SPAG17: variants seen among roughly 807,000 people sequenced by gnomAD.
The protein encoded by SPAG17 is sperm associated antigen 17.
SPAG17 carries 169 observed loss-of-function variants against 273.6 expected under a neutral mutation model. The ratio of observed to expected loss-of-function variants is 0.62; its 90% CI spans 0.55 to 0.70. The LOEUF (loss-of-function observed/expected upper bound fraction) is 0.70. Among genes scored for constraint, SPAG17 ranks in the 30% least tolerant of loss-of-function variants. The pLI, the probability that SPAG17 is intolerant of heterozygous loss-of-function variation, is 0.00. For synonymous variants in SPAG17, 825 were observed against 873.2 expected (o/e 0.94, Z 0.97); for missense variants, 2,557 against 2,627.8 (o/e 0.97, Z 0.59).
chr1:118,075,769 T>C (rs1213878546), intron 15 of SPAG17, among the ~76,000 whole-genome samples: 2 of 152,182 alleles, frequency 1.3e-5, no homozygotes, highest in Non-Finnish European at 2.9e-5. Flanking sequence ...CCAGATACAC[T>C]GGCCTGCTTG....
At chr1:118,084,326 G>A (rs1350023838) in intron 13 of SPAG17, among the ~76,000 whole-genome samples, 1 of 152,142 alleles carries the variant, frequency 6.6e-6, no homozygotes, top group Non-Finnish European at 1.5e-5. Context: ...AGTTCGGTTA[G>A]GCTTACAAAG....
intron 29 of SPAG17, among the ~76,000 whole-genome samples, chr1:118,014,264 T>C (rs2765284): frequency 0.012 from 1,859 of 152,318 alleles, 43 homozygotes; most frequent in African/African-American, 0.041. Context: ...TCAGTAAATA[T>C]CACTATTATT....
At position 118,131,535 on chromosome 1, in the gene SPAG17, C is replaced by T. The variant is rs992325940; in HGVS notation, c.316-16094G>A. 4.6e-5 allele frequency among the ~76,000 whole-genome samples: 7 copies of T among 152,292 alleles called. 2 individuals are homozygous for T. The South Asian group carries it at 1.5e-3, about 32-fold the overall frequency. Reference sequence around the variant, plus strand: ...TCCTCTCCCCAATTAAAAAGTAAGTCCTGCCAGGATATTGGCTTTTATCTA... The same window carrying T: ...TCCTCTCCCCAATTAAAAAGTAAGTTCTGCCAGGATATTGGCTTTTATCTA... On this transcript the variant is annotated intron_variant, in intron 3 of 48. Coordinates refer to ENST00000336338, the MANE Select transcript of SPAG17 (RefSeq NM_206996.4).
At chr1:118,055,972 G>A in intron 18 of SPAG17, 58 bp from the exon 19 acceptor site, 1 of 1,367,358 alleles carries the variant, frequency 7.3e-7, no homozygotes. Context: ...TAAATACTAA[G>A]GATATTGACT....
intron 18 of SPAG17, among the ~76,000 whole-genome samples, chr1:118,060,818 T>C (rs1343204556): frequency 1.3e-5 from 2 of 152,288 alleles, no homozygotes; most frequent in Non-Finnish European, 1.5e-5. Flanking sequence ...TATAAATGTG[T>C]TCCTTTGGTC....
intron 32 of SPAG17, among the ~76,000 whole-genome samples, chr1:118,001,578 T>C (rs1019363742): frequency 2.0e-5 from 3 of 152,218 alleles, no homozygotes; most frequent in African/African-American, 7.2e-5. Context: ...AATTTATCCA[T>C]TTCTTCTAGA....
In SPAG17 at chr1:118,150,553, A is replaced by T; in HGVS notation, c.305T>A (p.Leu102Ter). The change falls in exon 3 of 49, where the codon TTA becomes TAA. Residue 102 changes from leucine to a stop codon, truncating the protein, a stop_gained. Coordinates refer to ENST00000336338, the MANE Select transcript of SPAG17 (RefSeq NM_206996.4). LOFTEE classifies it high-confidence loss of function. ...AACACTTTCACTTACCTCATAATAT[A>T]AAGGAGCATTACCACCTACAGGTTT... ...AKKPVGGNAPLYYEVLTAAKA... is the reference protein window; with the variant it reads ...AKKPVGGNAP The T allele has an allele frequency of 1.3e-6, 2 of 1,560,714 alleles. No individual in the cohort carries two copies. Among genetic ancestry groups the T allele is most frequent in the Middle Eastern group, 1.7e-4 (1 of 5,928 alleles).
Position 118,016,028 on chromosome 1 carries a change from TA to T in SPAG17, c.4223del (p.Leu1408Ter), listed in dbSNP as rs1239618617. ...ATGGGGTCAAGTCTGCTATTCTTTC[TA>T]ATCCTTTGGTGCCGATCCGATTTCC... ...PEGNRIGTKG[L>X]ERIADLTPLL... On this transcript the variant is annotated frameshift_variant, in exon 29 of 49. Coordinates refer to ENST00000336338, the MANE Select transcript of SPAG17 (RefSeq NM_206996.4). LOFTEE classifies it high-confidence loss of function. 3 of 1,614,066 alleles carry T rather than the reference TA, an allele frequency of 1.9e-6. No individual in the cohort carries two copies. The African/African-American group carries it at 4.0e-5, about 22-fold the overall frequency.
Position 118,031,692 on chromosome 1 carries a change from C to A in SPAG17, c.3609G>T (p.Lys1203Asn). The A allele has an allele frequency of 6.2e-7, 1 of 1,612,220 alleles. No individual in the cohort carries two copies. The highest frequency in any genetic ancestry group is 8.5e-7 in the Non-Finnish European group (1 of 1,179,436). ...GGAATCTATGGCAAGGTTCATTTAC[C>A]TTTTTCTCTTCTTCTTTTGGGTGTT... Reference protein sequence around the residue: ...EEEHPKEEEKKEEEVEPEPVL... With the variant: ...EEEHPKEEEKNEEEVEPEPVL... The change falls in exon 25 of 49, where the codon AAG becomes AAT. Residue 1203 changes from lysine (K) to asparagine (N), a missense_variant and splice_region_variant. Lys to Asn is a moderately conservative substitution (Grantham distance 94). Transcript: ENST00000336338.
rs766479861 is a variant in SPAG17, at chr1:117,988,095, A to G, written c.5621+10T>C. ...AATACTAATTAGAACACATTATTGG[A>G]TTAGCTTACCTCCATGTCTTTTCAA... On this transcript the variant is annotated intron_variant, in intron 39 of 48. Coordinates refer to ENST00000336338, the MANE Select transcript of SPAG17 (RefSeq NM_206996.4). 102 of 1,587,966 alleles carry G rather than the reference A, an allele frequency of 6.4e-5. No homozygotes were observed. In the Admixed American group the frequency reaches 1.0e-3, roughly 16 times the overall value.
chr1:117,975,444 CTG>C (rs754152064), intron 43 of SPAG17, among the ~76,000 whole-genome samples: 10 of 152,138 alleles, frequency 6.6e-5, no homozygotes, highest in Non-Finnish European at 1.5e-4. Context: ...AGTAGTGTCT[CTG>C]TTTTTTTTGC....
At chr1:118,115,848 ATAAAT>A (rs985523733) in intron 3 of SPAG17, among the ~76,000 whole-genome samples, 4 of 152,232 alleles carry the variant, frequency 2.6e-5, no homozygotes, top group African/African-American at 9.6e-5. Context: ...TTAGGATATT[ATAAAT>A]TAAACAGGGT....
chr1:118,096,116 G>T (rs746391796), intron 7 of SPAG17, among the ~76,000 whole-genome samples: 67 of 152,164 alleles, frequency 4.4e-4, no homozygotes, highest in Non-Finnish European at 6.0e-4. Flanking sequence ...CTTGTGCTGA[G>T]AGTCTTTATA....
intron 1 of SPAG17, among the ~76,000 whole-genome samples, chr1:118,165,799 C>T (rs1238308157): frequency 6.6e-6 from 1 of 151,966 alleles, no homozygotes; most frequent in Non-Finnish European, 1.5e-5. Context: ...GCTCCCGCCA[C>T]CATGCCCAGC....
intron 48 of SPAG17, chr1:117,955,181 C>G: frequency 3.0e-6 from 2 of 667,620 alleles, no homozygotes; most frequent in Non-Finnish European, 2.5e-6. Context: ...TAAACTCATG[C>G]AGATCTTGCC....
intron 3 of SPAG17, among the ~76,000 whole-genome samples, chr1:118,144,963 CCTAAGCT>C (rs1246467949): frequency 6.6e-6 from 1 of 152,122 alleles, no homozygotes; most frequent in African/African-American, 2.4e-5. Context: ...CTGGTGTGTC[CCTAAGCT>C]CTATGAAATA....
In SPAG17 at chr1:118,150,488, T is replaced by G. The variant is rs1055609172; in HGVS notation, c.315+55A>C. 57 of 981,520 alleles carry G rather than the reference T, an allele frequency of 5.8e-5. No homozygotes were observed. In the African/African-American group the frequency reaches 9.2e-4, roughly 16 times the overall value. The allele number at this position is 981,520 out of a possible 1,614,324, so 60.8% of individuals were successfully genotyped here. A position where few individuals can be genotyped will look rare whatever the true frequency, so the allele number is the denominator to read the frequency against. On this transcript the variant is annotated intron_variant, in intron 3 of 48. Coordinates refer to ENST00000336338, the MANE Select transcript of SPAG17 (RefSeq NM_206996.4). ...TTAAAAATGGCTATCAAATTATTAC[T>G]TCAATTCTTTTTTCTAAAAACACAA... is the stretch of plus-strand genomic sequence containing the variant.
chr1:117,958,035 C>A (rs1652476357), intron 48 of SPAG17, among the ~76,000 whole-genome samples: 1 of 152,162 alleles, frequency 6.6e-6, no homozygotes, highest in Non-Finnish European at 1.5e-5. Flanking sequence ...ATATTCTTCT[C>A]ATCTCTCACC....
intron 24 of SPAG17, among the ~76,000 whole-genome samples, chr1:118,034,084 C>T (rs1000666631): frequency 2.6e-5 from 4 of 152,122 alleles, no homozygotes; most frequent in African/African-American, 9.7e-5. Context: ...GAATGGCGTT[C>T]AGTTTCAGGC....
Sources: allele counts gnomAD v4.1 joint callset (sites outside exome capture counted in the v4.1 genomes callset), GRCh38; gene constraint gnomAD v4.1.1; transcripts MANE v1.5; gene names NCBI Gene and HGNC (gene_info 2026-07-23, HGNC 2026-07-21).